NPAT: variants seen among roughly 807,000 people sequenced by gnomAD.
The protein encoded by NPAT is protein NPAT.
A neutral mutation model predicts 130.7 loss-of-function variants in NPAT; 52 were observed. The observed-to-expected ratio is 0.40, with a 90% CI of 0.32 to 0.50. The LOEUF (loss-of-function observed/expected upper bound fraction) is 0.50, where lower values mean the gene tolerates loss of function less well. Ranked by LOEUF, NPAT falls within the 20% of genes least tolerant of loss-of-function variation. NPAT has a pLI of 0.68. For missense variants in NPAT, 1,687 were observed against 1,662.6 expected (o/e 1.01, Z -0.26); for synonymous variants, 580 against 584.8 (o/e 0.99, Z 0.12).
chr11:108,168,050 T>A (rs2077916553), intron 15 of NPAT, among the ~76,000 whole-genome samples: 1 of 152,178 alleles, frequency 6.6e-6, no homozygotes, highest in Non-Finnish European at 1.5e-5. Context: ...AGTTAAAATA[T>A]CACATGGTAT....
At chr11:108,208,979 C>T (rs1370809471) in intron 1 of NPAT, among the ~76,000 whole-genome samples, 5 of 152,160 alleles carry the variant, frequency 3.3e-5, no homozygotes, top group Non-Finnish European at 7.3e-5. Context: ...GCTATAAACA[C>T]CTGTATTTAA....
intron 1 of NPAT, among the ~76,000 whole-genome samples, chr11:108,204,465 C>T (rs1228278402): frequency 6.6e-6 from 1 of 152,172 alleles, no homozygotes; most frequent in Non-Finnish European, 1.5e-5. Flanking sequence ...TTCTGTTGCT[C>T]AATAAAAATC....
At chr11:108,209,948 A>T (rs1029419019) in intron 1 of NPAT, among the ~76,000 whole-genome samples, 1 of 151,826 alleles carries the variant, frequency 6.6e-6, no homozygotes, top group African/African-American at 2.4e-5. Context: ...AAGAAACTAG[A>T]AAAAGAGCAA....
intron 1 of NPAT, among the ~76,000 whole-genome samples, chr11:108,202,761 T>G (rs1314632713): frequency 6.6e-6 from 1 of 152,012 alleles, no homozygotes; most frequent in Non-Finnish European, 1.5e-5. Context: ...GGCAGATAGA[T>G]TTCACCCCTA....
chr11:108,218,390 G>C (rs1320211282), intron 1 of NPAT, among the ~76,000 whole-genome samples: 1 of 152,180 alleles, frequency 6.6e-6, no homozygotes, highest in Non-Finnish European at 1.5e-5. Flanking sequence ...AAGCAAGCAA[G>C]AGATAGTAAA....
intron 10 of NPAT, among the ~76,000 whole-genome samples, chr11:108,178,915 A>C (rs2078034130): frequency 6.6e-6 from 1 of 152,216 alleles, no homozygotes; most frequent in South Asian, 2.1e-4. Flanking sequence ...CAAAATAGCC[A>C]AAACAATCTT....
chr11:108,163,200 C>T (rs1591383961), intron 15 of NPAT, among the ~76,000 whole-genome samples: 1 of 152,118 alleles, frequency 6.6e-6, no homozygotes, highest in East Asian at 1.9e-4. Context: ...GTGCCTCAGC[C>T]TCCCGAGTAG....
chr11:108,179,087 T>C (rs2078035428), intron 10 of NPAT, among the ~76,000 whole-genome samples: 1 of 152,186 alleles, frequency 6.6e-6, no homozygotes, highest in African/African-American at 2.4e-5. Context: ...TGTAGTCGAA[T>C]GGTCTTCAAC....
intron 1 of NPAT, among the ~76,000 whole-genome samples, chr11:108,199,218 C>T (rs1238177007): frequency 1.3e-5 from 2 of 152,208 alleles, no homozygotes; most frequent in Non-Finnish European, 2.9e-5. Context: ...TTGCTGGTAT[C>T]TCCAAGTTTT....
rs539623316 is a variant in NPAT, at chr11:108,207,035, A to T, written c.38-9615T>A. ...CAGTGGGTAGCTCCTTTCTGCAGGC[A>T]AGTCATCCTGACGAGTGTCCAACTC... On this transcript the variant is annotated intron_variant, in intron 1 of 17. Coordinates refer to ENST00000278612, the MANE Select transcript of NPAT (RefSeq NM_002519.3). Among the ~76,000 whole-genome samples, 19 of 151,692 alleles carry T rather than the reference A, an allele frequency of 1.3e-4. No homozygotes were observed. In the East Asian group the frequency reaches 3.7e-3, roughly 30 times the overall value.
At chr11:108,166,524 T>C (rs2077904409) in intron 15 of NPAT, among the ~76,000 whole-genome samples, 1 of 152,242 alleles carries the variant, frequency 6.6e-6, no homozygotes, top group South Asian at 2.1e-4. Context: ...CATCTTTGTA[T>C]GAGGAAGGGA....
chr11:108,211,463 A>G (rs1397492676), intron 1 of NPAT, among the ~76,000 whole-genome samples: 2 of 151,712 alleles, frequency 1.3e-5, no homozygotes, highest in African/African-American at 2.4e-5. Flanking sequence ...GGATCACTTG[A>G]GCCTGGGAAG....
At chr11:108,177,230 C>T (rs2134844278) in intron 10 of NPAT, 140 bp from the exon 11 acceptor site, 1 of 361,950 alleles carries the variant, frequency 2.8e-6, no homozygotes, top group Non-Finnish European at 4.8e-6. Context: ...CTGTAGCTCA[C>T]TATAACCTGA....
chr11:108,163,059 GATTTATTTATTTATTT>G (rs3081748), intron 15 of NPAT, among the ~76,000 whole-genome samples: 3 of 148,946 alleles, frequency 2.0e-5, no homozygotes, highest in East Asian at 3.9e-4. Flanking sequence ...TCCTTTAAGA[GATTTATTTATTTATTT>G]ATTTATTTAT....
intron 17 of NPAT, 141 bp from the exon 18 acceptor site, chr11:108,159,160 T>C (rs2077822529): frequency 1.7e-6 from 1 of 605,592 alleles, no homozygotes; most frequent in Non-Finnish European, 2.9e-6. Context: ...ATTTTACTTC[T>C]ATAGAGAAGT....
chr11:108,219,479 C>G (rs1391426456), intron 1 of NPAT, among the ~76,000 whole-genome samples: 1 of 152,160 alleles, frequency 6.6e-6, no homozygotes, highest in Admixed American at 6.6e-5. Context: ...AGAATGGTTT[C>G]TACTTTTTTT....
At chr11:108,197,190 C>G in intron 2 of NPAT, 112 bp downstream of exon 2, 1 of 808,070 alleles carries the variant, frequency 1.2e-6, no homozygotes, top group Non-Finnish European at 2.2e-6. Flanking sequence ...TGAATATAAA[C>G]CACCAAATTT....
intron 10 of NPAT, among the ~76,000 whole-genome samples, chr11:108,183,948 C>T (rs750744121): frequency 3.4e-5 from 5 of 146,784 alleles, no homozygotes; most frequent in South Asian, 2.2e-4. Context: ...CACTCAAGCC[C>T]GGGCAACAAA....
At chr11:108,160,717 C>T (rs2077838360) in intron 17 of NPAT, among the ~76,000 whole-genome samples, 163 bp downstream of exon 17, 1 of 152,148 alleles carries the variant, frequency 6.6e-6, no homozygotes, top group Non-Finnish European at 1.5e-5. Context: ...GCATCTACTG[C>T]TTATTGGTCC....
Sources: allele counts gnomAD v4.1 joint callset (sites outside exome capture counted in the v4.1 genomes callset), GRCh38; gene constraint gnomAD v4.1.1; transcripts MANE v1.5; gene names NCBI Gene and HGNC (gene_info 2026-07-23, HGNC 2026-07-21).